Variants in KCNMB2 observed in about 807,000 individuals in gnomAD.
KCNMB2 encodes the protein potassium calcium-activated channel subfamily M regulatory beta subunit 2.
Under a neutral mutation model 24.5 loss-of-function variants are expected in KCNMB2, and 9 were observed. That is an observed-to-expected ratio of 0.37 (90% CI 0.22 to 0.64). The LOEUF is 0.64. KCNMB2 is among the 30% of genes least tolerant of loss of function. The pLI, the probability that KCNMB2 is intolerant of heterozygous loss-of-function variation, is 0.63. For missense variants in KCNMB2, 226 were observed against 284.3 expected (o/e 0.79, Z 1.47); for synonymous variants, 109 against 104.4 (o/e 1.04, Z -0.27).
intron 1 of KCNMB2, among the ~76,000 whole-genome samples, chr3:178,633,593 T>C (rs1042807633): frequency 3.3e-5 from 5 of 152,098 alleles, no homozygotes; most frequent in African/African-American, 1.2e-4. Flanking sequence ...GGTCACAGGG[T>C]GGGTGGGCAC....
chr3:178,589,317 G>A (rs560410252), intron 1 of KCNMB2, among the ~76,000 whole-genome samples: 6 of 152,216 alleles, frequency 3.9e-5, no homozygotes, highest in Admixed American at 2.0e-4. Flanking sequence ...CTGAGCTCAC[G>A]TGCAAATACC....
intron 1 of KCNMB2, among the ~76,000 whole-genome samples, chr3:178,701,449 T>A (rs1411623098): frequency 6.6e-6 from 1 of 152,232 alleles, no homozygotes; most frequent in African/African-American, 2.4e-5. Flanking sequence ...GGCTCTTTTT[T>A]GGTTTCATAT....
intron 2 of KCNMB2, among the ~76,000 whole-genome samples, chr3:178,813,875 T>C (rs56266920): frequency 0.52 from 79,317 of 151,690 alleles, 23,330 homozygotes; most frequent in African/African-American, 0.82. Context: ...TTGACCAATA[T>C]GAAGATAATT....
chr3:178,755,697 C>CT (rs34962417), intron 1 of KCNMB2, among the ~76,000 whole-genome samples: 1,891 of 152,186 alleles, frequency 0.012, 43 homozygotes, highest in African/African-American at 0.042. Context: ...TATTCCTTCA[C>CT]TTTTTTTCAA....
intron 1 of KCNMB2, among the ~76,000 whole-genome samples, chr3:178,770,772 C>T (rs193270790): frequency 3.6e-4 from 55 of 152,330 alleles, no homozygotes; most frequent in Non-Finnish European, 6.5e-4. Context: ...CATGCACTAT[C>T]TCATTTAACC....
At chr3:178,670,819 T>C (rs1223633797) in intron 1 of KCNMB2, among the ~76,000 whole-genome samples, 1 of 152,128 alleles carries the variant, frequency 6.6e-6, no homozygotes, top group Non-Finnish European at 1.5e-5. Flanking sequence ...TGATGTGATT[T>C]GTCCAAGGCT....
At chr3:178,803,716 A>G (rs149325583) in intron 1 of KCNMB2, among the ~76,000 whole-genome samples, 57 of 152,236 alleles carry the variant, frequency 3.7e-4, no homozygotes, top group Admixed American at 1.1e-3. Flanking sequence ...AGAGATGAAG[A>G]AACTGTTCAT....
intron 1 of KCNMB2, among the ~76,000 whole-genome samples, chr3:178,789,666 A>C (rs1713245537): frequency 6.6e-6 from 1 of 152,122 alleles, no homozygotes; most frequent in South Asian, 2.1e-4. Flanking sequence ...GGAAAACAAC[A>C]TGGGGGCAGA....
In KCNMB2 at chr3:178,573,909, G is replaced by C. The variant is rs565413918; in HGVS notation, c.-68+37198G>C. ...AAGCTGTGATGCCTGTGAAAGGAGA[G>C]ATGAAAATGATCAAGAAGTGTGTAA... is the stretch of plus-strand genomic sequence containing the variant. On this transcript the variant is annotated intron_variant, in intron 1 of 4. Coordinates refer to ENST00000452583, the MANE Select transcript of KCNMB2 (RefSeq NM_181361.3). Among the ~76,000 whole-genome samples the C allele has an allele frequency of 2.6e-5, 4 of 152,254 alleles. No homozygotes were observed. In the South Asian group the frequency reaches 8.3e-4, roughly 32 times the overall value.
chr3:178,667,924 G>A (rs1313869833), intron 1 of KCNMB2, among the ~76,000 whole-genome samples: 2 of 152,106 alleles, frequency 1.3e-5, no homozygotes, highest in Admixed American at 6.6e-5. Flanking sequence ...GTTGGCTGGG[G>A]GCGAATAATT....
rs36233082 is a variant in KCNMB2, at chr3:178,759,785, T to C, written c.-67-47558T>C. 9.6e-4 allele frequency among the ~76,000 whole-genome samples: 31 copies of C among 32,314 alleles called. 11 individuals carry two copies. The highest frequency in any genetic ancestry group is 5.2e-3 in the African/African-American group (25 of 4,814). 21.2% of individuals were successfully genotyped at this position (32,314 alleles called of 152,430 possible). ...ATATATATCCAAGAGGATATATCTA[T>C]ATATATATATATCCAAGAGGATATA... On this transcript the variant is annotated intron_variant, in intron 1 of 4. Coordinates refer to ENST00000452583, the MANE Select transcript of KCNMB2 (RefSeq NM_181361.3).
At chr3:178,663,660 C>T (rs939509165) in intron 1 of KCNMB2, among the ~76,000 whole-genome samples, 2 of 152,146 alleles carry the variant, frequency 1.3e-5, no homozygotes, top group Non-Finnish European at 2.9e-5. Context: ...CATAGCTGCT[C>T]TCTAGGGACC....
intron 1 of KCNMB2, among the ~76,000 whole-genome samples, chr3:178,710,173 T>C (rs567523790): frequency 6.6e-6 from 1 of 152,228 alleles, no homozygotes; most frequent in Admixed American, 6.5e-5. Flanking sequence ...TTTTATTTTT[T>C]CCCTACCACT....
intron 1 of KCNMB2, among the ~76,000 whole-genome samples, chr3:178,778,172 AC>A (rs1457268446): frequency 2.0e-5 from 3 of 152,156 alleles, no homozygotes; most frequent in African/African-American, 7.2e-5. Context: ...TTTTATTTTG[AC>A]CCTATGTATC....
intron 1 of KCNMB2, among the ~76,000 whole-genome samples, chr3:178,766,578 T>A (rs1339742501): frequency 6.6e-6 from 1 of 152,218 alleles, no homozygotes; most frequent in Admixed American, 6.5e-5. Context: ...ATTGCTGTTT[T>A]ATTTTCCTAT....
At chr3:178,604,623 C>A (rs1311201193) in intron 1 of KCNMB2, among the ~76,000 whole-genome samples, 1 of 152,096 alleles carries the variant, frequency 6.6e-6, no homozygotes, top group Non-Finnish European at 1.5e-5. Context: ...TTTGGAATTA[C>A]AAGATTTGGT....
rs539557011 is a variant in KCNMB2, at chr3:178,642,108, G to GT, written c.-68+105400dup. Among the ~76,000 whole-genome samples, 377 of 152,142 alleles carry GT rather than the reference G, an allele frequency of 2.5e-3. 1 individual carries two copies. Among genetic ancestry groups the GT allele is most frequent in the Non-Finnish European group, 4.4e-3 (298 of 67,992 alleles). ...TTTATTCTAAGTATCTCTAAGATTTGTTTGGGGAAAAACAATTCAGATAGA... is the reference window on the plus strand; with the variant it reads ...TTTATTCTAAGTATCTCTAAGATTTGTTTTGGGGAAAAACAATTCAGATAGA... On this transcript the variant is annotated intron_variant, in intron 1 of 4. Coordinates refer to ENST00000452583, the MANE Select transcript of KCNMB2 (RefSeq NM_181361.3).
At chr3:178,756,277 A>C (rs1365289695) in intron 1 of KCNMB2, among the ~76,000 whole-genome samples, 2 of 151,608 alleles carry the variant, frequency 1.3e-5, no homozygotes, top group East Asian at 3.9e-4. Flanking sequence ...TGTTTGTGTG[A>C]ATAGAGAAAA....
chr3:178,748,962 G>A (rs1338752370), intron 1 of KCNMB2: 2 of 152,178 alleles, frequency 1.3e-5, no homozygotes, highest in Non-Finnish European at 2.9e-5. Context: ...AAAGATTCCA[G>A]TTTAGCAAAT....
Sources: gnomAD v4.1 joint callset for allele counts (sites outside exome capture counted in the v4.1 genomes callset) on GRCh38, gnomAD v4.1.1 for gene constraint, MANE v1.5 for transcripts, NCBI Gene and HGNC (gene_info 2026-07-23, HGNC 2026-07-21) for gene names.